The following EDIL3 variants were observed in gnomAD, a reference collection of about 807,000 sequenced individuals.
EDIL3 encodes EGF like and discoidin domains 3.
A neutral mutation model predicts 67.4 loss-of-function variants in EDIL3; 37 were observed. That is an observed-to-expected ratio of 0.55 (90% CI 0.42 to 0.72). The LOEUF (loss-of-function observed/expected upper bound fraction) is 0.72, where lower values mean the gene tolerates loss of function less well. Among genes scored for constraint, EDIL3 ranks in the 30% least tolerant of loss-of-function variants. The pLI, the probability that EDIL3 is intolerant of heterozygous loss-of-function variation, is 0.00. For missense variants in EDIL3, 527 were observed against 586.3 expected (o/e 0.90, Z 1.04); for synonymous variants, 195 against 196.3 (o/e 0.99, Z 0.05).
In EDIL3 at chr5:84,229,950, G is replaced by C. The variant is rs1744536740; in HGVS notation, c.197-66C>G. The C allele has an allele frequency of 3.0e-6, 4 of 1,345,306 alleles. No homozygotes were observed. In the Admixed American group the frequency reaches 8.6e-5, roughly 29 times the overall value. The allele number at this position is 1,345,306 out of a possible 1,614,324, so 83.3% of individuals were successfully genotyped here. On this transcript the variant is annotated intron_variant, in intron 2 of 10. Coordinates refer to ENST00000296591, the MANE Select transcript of EDIL3 (RefSeq NM_005711.5). ...GTGAAGGGAGGGAGAAGGGGGGAGA[G>C]AGAAAGAAAGAGAAAAAGAGATATT...
At chr5:84,175,937 C>T (rs903157867) in intron 4 of EDIL3, among the ~76,000 whole-genome samples, 2 of 151,588 alleles carry the variant, frequency 1.3e-5, no homozygotes, top group African/African-American at 4.9e-5. Flanking sequence ...CACGTAATTG[C>T]CAAATATGTG....
intron 9 of EDIL3, among the ~76,000 whole-genome samples, chr5:84,036,527 C>G (rs1021523604): frequency 2.0e-5 from 3 of 152,098 alleles, no homozygotes; most frequent in South Asian, 2.1e-4. Flanking sequence ...AAAGTCAAAC[C>G]TTTCTAAACA....
At chr5:84,289,685 G>A (rs1194275914) in intron 1 of EDIL3, among the ~76,000 whole-genome samples, 1 of 152,024 alleles carries the variant, frequency 6.6e-6, no homozygotes, top group Non-Finnish European at 1.5e-5. Flanking sequence ...TGATTCTTAG[G>A]ACACTTTCCT....
At chr5:84,159,607 T>C (rs1425484596) in intron 4 of EDIL3, among the ~76,000 whole-genome samples, 3 of 151,868 alleles carry the variant, frequency 2.0e-5, no homozygotes, top group Non-Finnish European at 2.9e-5. Flanking sequence ...AATAAATATA[T>C]ACTTAAGAAT....
chr5:84,337,590 A>G (rs1172877693), intron 1 of EDIL3, among the ~76,000 whole-genome samples: 1 of 152,204 alleles, frequency 6.6e-6, no homozygotes, highest in Non-Finnish European at 1.5e-5. Context: ...GCACATATAC[A>G]TAGAATATGA....
chr5:84,100,726 T>TA (rs1287103271), intron 6 of EDIL3, among the ~76,000 whole-genome samples: 1 of 151,976 alleles, frequency 6.6e-6, no homozygotes, highest in Non-Finnish European at 1.5e-5. Context: ...TATAATAAAT[T>TA]AAAAAACATC....
intron 3 of EDIL3, among the ~76,000 whole-genome samples, chr5:84,209,811 A>G (rs1440013970): frequency 6.6e-6 from 1 of 152,170 alleles, no homozygotes; most frequent in Non-Finnish European, 1.5e-5. Context: ...AAATTCTGTA[A>G]AAATGTTTTC....
chr5:84,075,165 C>T (rs1746827125), intron 6 of EDIL3, among the ~76,000 whole-genome samples: 1 of 148,996 alleles, frequency 6.7e-6, no homozygotes, highest in South Asian at 2.1e-4. Context: ...CACATGGACA[C>T]AGGAATGGGA....
At chr5:84,310,775 G>T (rs1229278061) in intron 1 of EDIL3, among the ~76,000 whole-genome samples, 1 of 152,080 alleles carries the variant, frequency 6.6e-6, no homozygotes, top group Non-Finnish European at 1.5e-5. Context: ...CACAAGTCAC[G>T]CGTATGGAGC....
At chr5:84,177,381 A>G (rs75266792) in intron 4 of EDIL3, among the ~76,000 whole-genome samples, 168 of 152,336 alleles carry the variant, frequency 1.1e-3, no homozygotes, top group Admixed American at 3.5e-3. Context: ...ACATTCTGGA[A>G]AAGGAAAAAC....
intron 1 of EDIL3, among the ~76,000 whole-genome samples, chr5:84,371,529 A>C (rs1193987908): frequency 6.7e-6 from 1 of 149,024 alleles, no homozygotes; most frequent in Non-Finnish European, 1.5e-5. Flanking sequence ...ATACTTAAAG[A>C]CCCCCTACCA....
At chr5:84,378,410 T>A (rs1748012615) in intron 1 of EDIL3, among the ~76,000 whole-genome samples, 1 of 152,166 alleles carries the variant, frequency 6.6e-6, no homozygotes, top group South Asian at 2.1e-4. Context: ...TGTACCCAGT[T>A]TTTTGTACTG....
At chr5:84,024,662 G>C (rs905521967) in intron 9 of EDIL3, among the ~76,000 whole-genome samples, 1 of 152,070 alleles carries the variant, frequency 6.6e-6, no homozygotes, top group African/African-American at 2.4e-5. Context: ...GGTCCAAGTA[G>C]AAGAAAACCT....
chr5:84,142,234 G>A (rs1748212362), intron 4 of EDIL3, among the ~76,000 whole-genome samples: 1 of 151,768 alleles, frequency 6.6e-6, no homozygotes, highest in Admixed American at 6.6e-5. Flanking sequence ...CATTGTCTGG[G>A]CATGACTTCT....
In EDIL3 at chr5:84,034,726, G is replaced by C. The variant is rs534718839; in HGVS notation, c.1137+25574C>G. Among the ~76,000 whole-genome samples the C allele has an allele frequency of 1.5e-3, 222 of 152,212 alleles. 1 individual carries two copies. The highest frequency in any genetic ancestry group is 5.2e-3 in the African/African-American group (214 of 41,530). On this transcript the variant is annotated intron_variant, in intron 9 of 10. Coordinates refer to ENST00000296591, the MANE Select transcript of EDIL3 (RefSeq NM_005711.5). ...ATGTTGGCTCCATTTTTTAAGATGA[G>C]GAGTCCTGGGATGGTGAATTCATAG...
chr5:84,309,313 G>GTTT, intron 1 of EDIL3, among the ~76,000 whole-genome samples: 4 of 89,282 alleles, frequency 4.5e-5, no homozygotes, highest in African/African-American at 1.2e-4. Flanking sequence ...TTTTTTCTTT[G>GTTT]TTTTTTTTTT....
At chr5:84,170,480 C>G (rs1748794556) in intron 4 of EDIL3, among the ~76,000 whole-genome samples, 1 of 152,152 alleles carries the variant, frequency 6.6e-6, no homozygotes, top group African/African-American at 2.4e-5. Flanking sequence ...AAGGTCAGAA[C>G]AACAGCAGTG....
intron 10 of EDIL3, 56 bp downstream of exon 10, chr5:83,963,147 CTT>C (rs1744632792): frequency 3.9e-6 from 6 of 1,522,846 alleles, no homozygotes; most frequent in Non-Finnish European, 5.3e-6. Context: ...TTCAATCAAA[CTT>C]GGGTGTAATT....
chr5:84,122,588 C>T (rs577983745), intron 5 of EDIL3, among the ~76,000 whole-genome samples: 1 of 151,938 alleles, frequency 6.6e-6, no homozygotes, highest in East Asian at 1.9e-4. Flanking sequence ...AGTCTTACAG[C>T]CAGGATTTGA....
Sources: gnomAD v4.1 joint callset for allele counts (sites outside exome capture counted in the v4.1 genomes callset) on GRCh38, gnomAD v4.1.1 for gene constraint, MANE v1.5 for transcripts, NCBI Gene and HGNC (gene_info 2026-07-23, HGNC 2026-07-21) for gene names.